KASH5: variants seen among roughly 807,000 people sequenced by gnomAD.
The protein encoded by KASH5 is protein KASH5.
KASH5 carries 72 observed loss-of-function variants against 84.2 expected under a neutral mutation model. The ratio of observed to expected loss-of-function variants is 0.85; its 90% confidence interval spans 0.71 to 1.04. The LOEUF (loss-of-function observed/expected upper bound fraction) is 1.04, where lower values mean the gene tolerates loss of function less well. Among genes scored for constraint, KASH5 ranks in the 50% least tolerant of loss-of-function variants. KASH5 has a pLI of 0.00. For synonymous variants in KASH5, 260 were observed against 279.1 expected (o/e 0.93, Z 0.68); for missense variants, 650 against 701.0 (o/e 0.93, Z 0.82).
At chr19:49,402,384 TAAAACAAAAAA>T (rs1974389366) in intron 9 of KASH5, among the ~76,000 whole-genome samples, 1 of 130,440 alleles carries the variant, frequency 7.7e-6, no homozygotes, top group Non-Finnish European at 1.6e-5. Context: ...CCCGTCTCTA[TAAAACAAAAAA>T]AAACAAAAAA....
Position 49,395,768 on chromosome 19 carries a change from G to A in KASH5, c.336-1G>A, listed in dbSNP as rs987590941. 4 of 1,558,316 alleles carry A rather than the reference G, an allele frequency of 2.6e-6. No individual in the cohort carries two copies. In the African/African-American group the frequency reaches 4.1e-5, roughly 16 times the overall value. ...CGCTAAGCCTCATCCCTTTGATACAGGGGATTAGAGCTGGAAGAGGAGACC... is the reference window on the plus strand; with the variant it reads ...CGCTAAGCCTCATCCCTTTGATACAAGGGATTAGAGCTGGAAGAGGAGACC... On this transcript the variant is annotated splice_acceptor_variant, in intron 4 of 19. Coordinates refer to ENST00000447857, the MANE Select transcript of KASH5 (RefSeq NM_144688.5). LOFTEE classifies it high-confidence loss of function. This position sits in a 1 kb window ranked among gnomAD's most constrained non-coding sequence, Gnocchi z 4.4.
intron 9 of KASH5, among the ~76,000 whole-genome samples, chr19:49,403,316 T>C (rs1356514396): frequency 1.3e-5 from 2 of 150,966 alleles, no homozygotes; most frequent in Admixed American, 6.6e-5. Flanking sequence ...GAGCTTGCAG[T>C]GAGCCGAGAT....
At chr19:49,391,832 T>C (rs1974014496) in intron 2 of KASH5, 2 of 152,178 alleles carry the variant, frequency 1.3e-5, no homozygotes, top group Non-Finnish European at 2.9e-5. Context: ...GAGGAGGCAC[T>C]GGGGTTGCCT....
At chr19:49,410,955 A>G (rs1454077160) in intron 15 of KASH5, among the ~76,000 whole-genome samples, 2 of 146,776 alleles carry the variant, frequency 1.4e-5, no homozygotes, top group Non-Finnish European at 3.0e-5. Flanking sequence ...TTATTTTGAG[A>G]CGGTCTCACT....
chr19:49,395,382 C>A lies in KASH5; in HGVS notation c.335+90C>A. 1 of 1,352,396 alleles carries A rather than the reference C, an allele frequency of 7.4e-7. No homozygotes were observed. The allele number at this position is 1,352,396 out of a possible 1,614,324, so 83.8% of individuals were successfully genotyped here. ...TACTGGAGCCAGCATCCTTTAGGCC[C>A]AAGGACCTACTGTGTTTGGAATGAG... On this transcript the variant is annotated intron_variant, in intron 4 of 19. Coordinates refer to ENST00000447857, the MANE Select transcript of KASH5 (RefSeq NM_144688.5). This position sits in a 1 kb window ranked among gnomAD's most constrained non-coding sequence, Gnocchi z 4.4.
chr19:49,397,459 C>T lies in KASH5; in HGVS notation c.401-192C>T, dbSNP rs1974218232. Reference sequence around the variant, plus strand: ...GGGGAGTTAGGGTTATCTGGGAGATCCAGCCTGAGCTCAAGGTAGAAGACA... The same window carrying T: ...GGGGAGTTAGGGTTATCTGGGAGATTCAGCCTGAGCTCAAGGTAGAAGACA... On this transcript the variant is annotated intron_variant, in intron 5 of 19. Coordinates refer to ENST00000447857, the MANE Select transcript of KASH5 (RefSeq NM_144688.5). Among the ~76,000 whole-genome samples the T allele has an allele frequency of 3.3e-5, 5 of 152,088 alleles. No homozygotes were observed. In the South Asian group the frequency reaches 1.0e-3, roughly 31 times the overall value.
rs1224912076 is a variant in KASH5, at chr19:49,417,011, G to A, written c.1375-4G>A. 1 of 1,583,274 alleles carries A rather than the reference G, an allele frequency of 6.3e-7. No homozygotes were observed. The highest frequency in any genetic ancestry group is 8.6e-7 in the Non-Finnish European group (1 of 1,165,330). On this transcript the variant is annotated splice_region_variant and splice_polypyrimidine_tract_variant and intron_variant, in intron 17 of 19. Transcript: ENST00000447857. The surrounding 1 kb of genome is among the most constrained non-coding windows in gnomAD (Gnocchi z 5.2). ...CCTCCAACGCATCTCTTCTGTCCTTGCAGGCTGATCTCCCTGTCCCTCTAG... is the reference window on the plus strand; with the variant it reads ...CCTCCAACGCATCTCTTCTGTCCTTACAGGCTGATCTCCCTGTCCCTCTAG...
At chr19:49,393,326 G>A (rs930492256) in intron 2 of KASH5, 1 of 152,228 alleles carries the variant, frequency 6.6e-6, no homozygotes, top group African/African-American at 2.4e-5. Flanking sequence ...TTTCTAGATT[G>A]TATCTCATTT....
In KASH5 at chr19:49,399,204, G is replaced by A. The variant is rs892274173; in HGVS notation, c.747+62G>A. ...CTTCTTTGTTTCCTGGAGTCAGGGC[G>A]GCAGAGTGTGACTATGGAGTAGGAA... is the stretch of plus-strand genomic sequence containing the variant. On this transcript the variant is annotated intron_variant, in intron 8 of 19. Transcript: ENST00000447857. This position sits in a 1 kb window ranked among gnomAD's most constrained non-coding sequence, Gnocchi z 4.4. 2.8e-5 allele frequency: 39 copies of A among 1,397,506 alleles called. No homozygotes were observed. In the Middle Eastern group the frequency reaches 1.2e-3, roughly 42 times the overall value. 86.6% of individuals were successfully genotyped at this position (1,397,506 alleles called of 1,614,324 possible).
intron 7 of KASH5, among the ~76,000 whole-genome samples, chr19:49,398,472 G>A (rs1487949089): frequency 1.3e-5 from 2 of 151,250 alleles, no homozygotes; most frequent in Admixed American, 6.6e-5. Flanking sequence ...GGGCTCTAGC[G>A]AGCCTCCCAC....
rs1974303798 is a variant in KASH5 at position 49,399,805 on chromosome 19, GC to G, written c.798+299del. On this transcript the variant is annotated intron_variant, in intron 9 of 19. Transcript: ENST00000447857. The surrounding 1 kb of genome is among the most constrained non-coding windows in gnomAD (Gnocchi z 4.4). The stretch of plus-strand genomic sequence containing the variant: ...ACCTATAAAGATGAACAAAACAATG[GC>G]ATCTGCCTCAGTGGTTTGTGTGAGA... 1.7e-6 allele frequency: 1 copy of G among 595,398 alleles called. No homozygotes were observed. Among genetic ancestry groups the G allele is most frequent in the African/African-American group, 1.8e-5 (1 of 54,512 alleles). 36.9% of individuals were successfully genotyped at this position (595,398 alleles called of 1,614,324 possible). A position where few individuals can be genotyped will look rare whatever the true frequency, so the allele number is the denominator to read the frequency against.
At position 49,400,577 on chromosome 19, in the gene KASH5, C is replaced by T. The variant is rs149038302; in HGVS notation, c.798+1070C>T. On this transcript the variant is annotated intron_variant, in intron 9 of 19. Transcript: ENST00000447857. ...GTTGGTTTGTTTGTTTTAGTAGAGACGGGGTTTTTCCATGTTGGTCAGGCT... is the reference window on the plus strand; with the variant it reads ...GTTGGTTTGTTTGTTTTAGTAGAGATGGGGTTTTTCCATGTTGGTCAGGCT... 5.9e-3 allele frequency among the ~76,000 whole-genome samples: 895 copies of T among 151,708 alleles called. 13 individuals are homozygous for T. Among genetic ancestry groups the T allele is most frequent in the African/African-American group, 0.02 (822 of 41,320 alleles).
At chr19:49,394,601 G>T in intron 3 of KASH5, 21 bp downstream of exon 3, 1 of 1,588,738 alleles carries the variant, frequency 6.3e-7, no homozygotes, top group Non-Finnish European at 8.6e-7. Flanking sequence ...CATGAGGGGT[G>T]CTGGGGACCA....
In KASH5 at chr19:49,409,690, C is replaced by A. The variant is rs1974649378; in HGVS notation, c.1147-63C>A. 3 of 1,606,142 alleles carry A rather than the reference C, an allele frequency of 1.9e-6. No individual in the cohort carries two copies. In the South Asian group the frequency reaches 3.3e-5, roughly 18 times the overall value. ...GCCGCACACCTAAACCTATTTCTATCTCTGACCTTGTTTTCTACCTTAATA... is the reference window on the plus strand; with the variant it reads ...GCCGCACACCTAAACCTATTTCTATATCTGACCTTGTTTTCTACCTTAATA... On this transcript the variant is annotated intron_variant, in intron 14 of 19. Transcript: ENST00000447857.
rs1489205419 is a variant in KASH5 at position 49,414,227 on chromosome 19, G to T, written c.1329-724G>T. Among the ~76,000 whole-genome samples the T allele has an allele frequency of 6.6e-6, 1 of 152,074 alleles. No homozygotes were observed. Among genetic ancestry groups the T allele is most frequent in the African/African-American group, 2.4e-5 (1 of 41,402 alleles). ...TCAGGTCTCATCTCCTGGCCTACAGGCCCAGGGTCTACTCCCGGAAGATGG... is the reference window on the plus strand; with the variant it reads ...TCAGGTCTCATCTCCTGGCCTACAGTCCCAGGGTCTACTCCCGGAAGATGG... On this transcript the variant is annotated intron_variant, in intron 16 of 19. Transcript: ENST00000447857. The surrounding 1 kb of genome is among the most constrained non-coding windows in gnomAD (Gnocchi z 4.5).
chr19:49,401,457 G>A (rs1282105859), intron 9 of KASH5, among the ~76,000 whole-genome samples: 2 of 152,196 alleles, frequency 1.3e-5, no homozygotes, highest in African/African-American at 4.8e-5. Flanking sequence ...GCTGGGGTGG[G>A]CAGAGGTCTG....
intron 9 of KASH5, among the ~76,000 whole-genome samples, chr19:49,404,538 A>G (rs1326335735): frequency 6.6e-6 from 1 of 152,188 alleles, no homozygotes; most frequent in Non-Finnish European, 1.5e-5. Flanking sequence ...AGGCCTCACC[A>G]GAGCCCACCT....
rs1356670229 is a variant in KASH5 at position 49,399,536 on chromosome 19, C to T, written c.798+29C>T. Reference sequence around the variant, plus strand: ...AGCGGAGGCCCAGCACCACCCCCACCCCTTCCCCAGTCCTTAAGGTCTTCT... The same window carrying T: ...AGCGGAGGCCCAGCACCACCCCCACTCCTTCCCCAGTCCTTAAGGTCTTCT... On this transcript the variant is annotated intron_variant, in intron 9 of 19. Coordinates refer to ENST00000447857, the MANE Select transcript of KASH5 (RefSeq NM_144688.5). The surrounding 1 kb of genome is among the most constrained non-coding windows in gnomAD (Gnocchi z 4.4). 1 of 1,591,394 alleles carries T rather than the reference C, an allele frequency of 6.3e-7. No individual in the cohort carries two copies. Among genetic ancestry groups the T allele is most frequent in the South Asian group, 1.1e-5 (1 of 87,350 alleles).
At chr19:49,398,862 C>T (rs989153559) in intron 7 of KASH5, among the ~76,000 whole-genome samples, 163 bp from the exon 8 acceptor site, 1 of 152,172 alleles carries the variant, frequency 6.6e-6, no homozygotes, top group Non-Finnish European at 1.5e-5. Flanking sequence ...GTCTCCTTCT[C>T]CTCTTTTCTC....
Sources: allele counts gnomAD v4.1 joint callset (sites outside exome capture counted in the v4.1 genomes callset), GRCh38; gene constraint gnomAD v4.1.1; non-coding constraint Gnocchi (gnomAD v3.1); transcripts MANE v1.5; gene names NCBI Gene and HGNC (gene_info 2026-07-23, HGNC 2026-07-21).